The following MRTFB variants were observed in gnomAD, a reference collection of about 807,000 sequenced individuals.
The protein encoded by MRTFB is myocardin-related transcription factor B.
MRTFB carries 29 observed loss-of-function variants against 104.2 expected under a neutral mutation model. That is an observed-to-expected ratio of 0.28 (90% CI 0.21 to 0.38). MRTFB has a LOEUF of 0.38. Ranked by LOEUF, MRTFB falls within the 10% of genes least tolerant of loss-of-function variation. MRTFB has a pLI of 1.00. For synonymous variants in MRTFB, 535 were observed against 519.5 expected (o/e 1.03, Z -0.41); for missense variants, 1,270 against 1,341.6 (o/e 0.95, Z 0.83).
chr16:14,100,214 T>A (rs1490912422), intron 2 of MRTFB, among the ~76,000 whole-genome samples: 2 of 152,200 alleles, frequency 1.3e-5, no homozygotes, highest in Non-Finnish European at 2.9e-5. Flanking sequence ...AGTCTTATTA[T>A]TAAGTGTGAT....
chr16:14,007,918 G>A, the MRTFB span, among the ~76,000 whole-genome samples: 2 of 152,004 alleles, frequency 1.3e-5, no homozygotes, highest in African/African-American at 4.8e-5. Context: ...TTTTTAATGG[G>A]GTTATTTGTC....
chr16:14,220,901 C>G (rs747732900), intron 8 of MRTFB, among the ~76,000 whole-genome samples: 2 of 152,204 alleles, frequency 1.3e-5, no homozygotes, highest in Non-Finnish European at 2.9e-5. Flanking sequence ...CCTGTTAAAT[C>G]ATTTCTGTCC....
chr16:14,207,205 GT>G (rs2040987354), intron 3 of MRTFB, among the ~76,000 whole-genome samples: 6 of 152,182 alleles, frequency 3.9e-5, no homozygotes, highest in Admixed American at 3.9e-4. Flanking sequence ...TCTTGGGAAA[GT>G]TTTATAGGCA....
At position 14,251,925 on chromosome 16, in the gene MRTFB, G is replaced by A. The variant is rs368219930; in HGVS notation, c.2467G>A (p.Val823Ile). Residue 823 changes from valine to isoleucine, a missense_variant, in exon 14 of 17, where the codon GTC becomes ATC. Val to Ile is a conservative substitution (Grantham distance 29). Coordinates refer to ENST00000571589, the MANE Select transcript of MRTFB (RefSeq NM_001308142.2). ...ATATCAGAGACATCCTGCCCCAGCT[G>A]TCCAGCAGCCCTTTATCAATAAGGC... Reference protein sequence around the residue: ...LPYQRHPAPAVQQPFINKASN... With the variant: ...LPYQRHPAPAIQQPFINKASN... The A allele has an allele frequency of 2.5e-6, 4 of 1,614,062 alleles. No individual in the cohort carries two copies. Among genetic ancestry groups the A allele is most frequent in the Non-Finnish European group, 3.4e-6 (4 of 1,180,030 alleles).
intron 16 of MRTFB, among the ~76,000 whole-genome samples, chr16:14,258,900 G>A (rs576460787): frequency 4.6e-5 from 7 of 152,098 alleles, no homozygotes; most frequent in Non-Finnish European, 1.0e-4. Flanking sequence ...TATCTTTGAA[G>A]TATAAAAATC....
At chr16:14,016,059 G>A in the MRTFB span, 2 of 398,372 alleles carry the variant, frequency 5.0e-6, no homozygotes, top group South Asian at 2.6e-4. Context: ...CCAGGATCAA[G>A]ATGGGTGGAC....
At chr16:14,023,720 G>C in the MRTFB span, among the ~76,000 whole-genome samples, 2 of 151,722 alleles carry the variant, frequency 1.3e-5, no homozygotes, top group African/African-American at 4.8e-5. Flanking sequence ...GTTGCAAGGA[G>C]TGAATAAGTT....
At chr16:14,013,075 G>A in the MRTFB span, 1 of 152,182 alleles carries the variant, frequency 6.6e-6, no homozygotes, top group East Asian at 1.9e-4. Context: ...GAATTGCTAG[G>A]ATTTAGGAGG....
chr16:14,144,105 T>A (rs1487353180), intron 3 of MRTFB: 1 of 152,258 alleles, frequency 6.6e-6, no homozygotes, highest in Non-Finnish European at 1.5e-5. Flanking sequence ...TAATTCTGAT[T>A]AAAATATTTC....
the MRTFB span, among the ~76,000 whole-genome samples, chr16:14,011,422 A>C: frequency 1.3e-5 from 2 of 152,320 alleles, no homozygotes; most frequent in East Asian, 3.9e-4. Context: ...CTGAGAAAAG[A>C]AGAGGGATAA....
At chr16:14,247,989 G>A (rs1439114891) in intron 12 of MRTFB, 3 of 156,102 alleles carry the variant, frequency 1.9e-5, no homozygotes, top group African/African-American at 7.2e-5. Flanking sequence ...CAGGTGTTCT[G>A]CCCGCAGAGC....
chr16:14,254,858 G>A (rs1567224718), intron 15 of MRTFB, among the ~76,000 whole-genome samples: 3 of 152,198 alleles, frequency 2.0e-5, no homozygotes, highest in South Asian at 2.1e-4. Context: ...AGCTCATCTC[G>A]ATGTTAGAAC....
chr16:13,994,970 A>G, the MRTFB span, among the ~76,000 whole-genome samples: 34 of 151,276 alleles, frequency 2.2e-4, no homozygotes, highest in Admixed American at 2.2e-3. Flanking sequence ...GTGTTTGGAG[A>G]TTTGGTTTTA....
chr16:14,003,084 A>G, the MRTFB span, among the ~76,000 whole-genome samples: 1 of 152,036 alleles, frequency 6.6e-6, no homozygotes, highest in Non-Finnish European at 1.5e-5. Flanking sequence ...GGGGCCACAA[A>G]GATGGTCCCC....
chr16:14,159,198 C>T lies in MRTFB; in HGVS notation c.154+18438C>T, dbSNP rs74470478. Among the ~76,000 whole-genome samples, 430 of 152,126 alleles carry T rather than the reference C, an allele frequency of 2.8e-3. 2 individuals are homozygous for T. Among genetic ancestry groups the T allele is most frequent in the African/African-American group, 9.5e-3 (395 of 41,494 alleles). On this transcript the variant is annotated intron_variant, in intron 3 of 16. Transcript: ENST00000571589. ...TTCTTCAGTGTTCTCAAGTTGTATTCTTCTTTATACTTTTCTCAGAAAATG... is the reference window on the plus strand; with the variant it reads ...TTCTTCAGTGTTCTCAAGTTGTATTTTTCTTTATACTTTTCTCAGAAAATG...
upstream of MRTFB, among the ~76,000 whole-genome samples, chr16:14,067,220 CTTTTT>C (rs1236193770): frequency 7.8e-6 from 1 of 127,988 alleles, no homozygotes. Flanking sequence ...TGTTAACCCT[CTTTTT>C]TTTTTTTTTT....
rs2043894410 is a variant in MRTFB, at chr16:14,264,901, TCA to T, written c.*3460_*3461del. On this transcript the variant is annotated 3_prime_UTR_variant, in exon 17 of 17. Coordinates refer to ENST00000571589, the MANE Select transcript of MRTFB (RefSeq NM_001308142.2). The stretch of plus-strand genomic sequence containing the variant: ...ATCATTCCAGGCAGCATAGCTTTCT[TCA>T]CAGTCCTTTCAGAATTCCCAGGCTG... 6.6e-6 allele frequency: 1 copy of T among 152,378 alleles called. No homozygotes were observed. The highest frequency in any genetic ancestry group is 1.9e-4 in the East Asian group (1 of 5,194). 9.4% of individuals were successfully genotyped at this position (152,378 alleles called of 1,614,324 possible). A position where few individuals can be genotyped will look rare whatever the true frequency, so the allele number is the denominator to read the frequency against.
intron 3 of MRTFB, among the ~76,000 whole-genome samples, chr16:14,164,977 T>A (rs574145273): frequency 1.2e-4 from 18 of 152,258 alleles, no homozygotes; most frequent in African/African-American, 4.3e-4. Context: ...TACCTGATAT[T>A]TCTAATCGCA....
At chr16:14,239,127 C>G (rs1435530881) in intron 9 of MRTFB, among the ~76,000 whole-genome samples, 3 of 152,190 alleles carry the variant, frequency 2.0e-5, no homozygotes, top group African/African-American at 7.2e-5. Context: ...CCATAAAAAT[C>G]TTGTTGCAGA....
Sources: gnomAD v4.1 joint callset for allele counts (sites outside exome capture counted in the v4.1 genomes callset) on GRCh38, gnomAD v4.1.1 for gene constraint, MANE v1.5 for transcripts, NCBI Gene and HGNC (gene_info 2026-07-23, HGNC 2026-07-21) for gene names.